MKX: variants seen among roughly 807,000 people sequenced by gnomAD.
MKX encodes the protein mohawk homeobox.
Under a neutral mutation model 36.0 loss-of-function variants are expected in MKX, and 13 were observed. The observed-to-expected ratio is 0.36, with a 90% CI of 0.24 to 0.57. MKX has a LOEUF of 0.57. Among genes scored for constraint, MKX ranks in the 20% least tolerant of loss-of-function variants. The probability of loss-of-function intolerance (pLI) is 0.79; values close to 1 mark genes in which losing one functional copy is unlikely to be tolerated. For synonymous variants in MKX, 176 were observed against 178.3 expected, an observed-to-expected ratio of 0.99 and a Z score of 0.10; for missense variants, 458 against 456.4, an observed-to-expected ratio of 1.00 and a Z score of -0.03.
intron 5 of MKX, among the ~76,000 whole-genome samples, chr10:27,684,842 A>G (rs946880414): frequency 1.3e-5 from 2 of 152,242 alleles, no homozygotes; most frequent in Non-Finnish European, 2.9e-5. Flanking sequence ...TCCACCTCAA[A>G]TCATCAGACA....
rs1564338842 is a variant in MKX at position 27,673,425 on chromosome 10, A to G, written c.*1804T>C. 6.6e-6 allele frequency: 1 copy of G among 152,596 alleles called. No homozygotes were observed. Among genetic ancestry groups the G allele is most frequent in the African/African-American group, 2.4e-5 (1 of 41,456 alleles). The allele number at this position is 152,596 out of a possible 1,614,324, so 9.5% of individuals were successfully genotyped here. ...AATAACTTATAATAGTATGAAAAAG[A>G]GTGAAGTATTTGTCTTTAGTTTTCA... On this transcript the variant is annotated 3_prime_UTR_variant, in exon 7 of 7. Coordinates refer to ENST00000419761, the MANE Select transcript of MKX (RefSeq NM_173576.3).
intron 5 of MKX, among the ~76,000 whole-genome samples, chr10:27,683,728 C>T (rs915368133): frequency 3.9e-5 from 6 of 152,178 alleles, no homozygotes; most frequent in African/African-American, 1.4e-4. Flanking sequence ...TCTGGGGATA[C>T]CAGATCAGTT....
chr10:27,722,703 T>G (rs1270137068), intron 5 of MKX, among the ~76,000 whole-genome samples: 1 of 152,286 alleles, frequency 6.6e-6, no homozygotes, highest in South Asian at 2.1e-4. Flanking sequence ...CCCTACAAAG[T>G]CATTTTCCAA....
intron 5 of MKX, among the ~76,000 whole-genome samples, chr10:27,700,083 C>T (rs942638495): frequency 2.0e-5 from 3 of 152,114 alleles, no homozygotes; most frequent in Non-Finnish European, 2.9e-5. Context: ...TTACTATGTA[C>T]CCTCAACTTA....
At chr10:27,717,745 C>A (rs536165879) in intron 5 of MKX, among the ~76,000 whole-genome samples, 2 of 152,186 alleles carry the variant, frequency 1.3e-5, no homozygotes, top group Non-Finnish European at 2.9e-5. Context: ...TGCCCAGTGG[C>A]GAGATCAACT....
In MKX at chr10:27,734,520, T is replaced by G. The variant is rs1834704993; in HGVS notation, c.774A>C (p.Glu258Asp). Residue 258 changes from glutamate to aspartate, a missense_variant, in exon 5 of 7, where the codon GAA becomes GAC. Transcript: ENST00000419761. ...RNHSGSFSSN[E>D]FEEELVSPSS... ...ATGGAGACACTAATTCTTCCTCAAA[T>G]TCATTGGAGCTAAAAGATCCCGAGT... The G allele has an allele frequency of 6.2e-7, 1 of 1,614,100 alleles. No individual in the cohort carries two copies. Among genetic ancestry groups the G allele is most frequent in the Non-Finnish European group, 8.5e-7 (1 of 1,180,042 alleles).
chr10:27,684,474 A>G lies in MKX; in HGVS notation c.839-8920T>C, dbSNP rs974117365. ...TAAGGGGCAATCAGGGATAACTAAT[A>G]TTAACATTTGAATGTATGGCCTTCC... is the stretch of plus-strand genomic sequence containing the variant. On this transcript the variant is annotated intron_variant, in intron 5 of 6. Coordinates refer to ENST00000419761, the MANE Select transcript of MKX (RefSeq NM_173576.3). Among the ~76,000 whole-genome samples, 3 of 152,332 alleles carry G rather than the reference A, an allele frequency of 2.0e-5. No individual in the cohort carries two copies. The South Asian group carries it at 6.2e-4, about 32-fold the overall frequency.
intron 5 of MKX, among the ~76,000 whole-genome samples, chr10:27,685,481 C>T (rs1564344803): frequency 7.2e-6 from 1 of 138,716 alleles, no homozygotes; most frequent in South Asian, 2.3e-4. Context: ...CGGAGTCCCG[C>T]TCTGTTGCCC....
At chr10:27,681,916 C>T (rs1054661505) in intron 5 of MKX, among the ~76,000 whole-genome samples, 21 of 145,232 alleles carry the variant, frequency 1.4e-4, no homozygotes, top group Non-Finnish European at 2.7e-4. Context: ...AGCAAGACTA[C>T]GTCTCAAGAA....
At chr10:27,745,226 C>T (rs767377584) in intron 1 of MKX, among the ~76,000 whole-genome samples, 1 of 152,174 alleles carries the variant, frequency 6.6e-6, no homozygotes, top group Non-Finnish European at 1.5e-5. Context: ...CCGGCAGCCC[C>T]AAGCCCACGC....
At chr10:27,709,288 T>C (rs926946750) in intron 5 of MKX, among the ~76,000 whole-genome samples, 2 of 152,174 alleles carry the variant, frequency 1.3e-5, no homozygotes, top group African/African-American at 4.8e-5. Context: ...ATTTACATTG[T>C]ATTAGGTACT....
At chr10:27,718,127 C>T (rs1236907143) in intron 5 of MKX, among the ~76,000 whole-genome samples, 1 of 152,110 alleles carries the variant, frequency 6.6e-6, no homozygotes, top group Non-Finnish European at 1.5e-5. Flanking sequence ...GTGAAATACT[C>T]AGTCATCTCA....
rs1471564141 is a variant in MKX at position 27,708,256 on chromosome 10, C to T, written c.838+26200G>A. Among the ~76,000 whole-genome samples the T allele has an allele frequency of 2.6e-5, 4 of 152,198 alleles. No individual in the cohort carries two copies. The East Asian group carries it at 7.7e-4, about 29-fold the overall frequency. The stretch of plus-strand genomic sequence containing the variant: ...GTGCATCCTGGCAAGTATCTCACCC[C>T]TTGTAAAAAGTACTTTACTTCTCAC... On this transcript the variant is annotated intron_variant, in intron 5 of 6. Transcript: ENST00000419761.
At position 27,742,214 on chromosome 10, in the gene MKX, T is replaced by G. The variant is rs1293991748; in HGVS notation, c.189-710A>C. 6.6e-6 allele frequency among the ~76,000 whole-genome samples: 1 copy of G among 151,936 alleles called. No individual in the cohort carries two copies. Among genetic ancestry groups the G allele is most frequent in the Non-Finnish European group, 1.5e-5 (1 of 67,946 alleles). On this transcript the variant is annotated intron_variant, in intron 2 of 6. Transcript: ENST00000419761. The surrounding 1 kb of genome is among the most constrained non-coding windows in gnomAD (Gnocchi z 4.2). Reference sequence around the variant, plus strand: ...TAAAAAGACCTCAGGAAAAGCACATTCAAAGGGGGAGGAGGCAGAGGCAGC... The same window carrying G: ...TAAAAAGACCTCAGGAAAAGCACATGCAAAGGGGGAGGAGGCAGAGGCAGC...
In MKX at chr10:27,734,564, T is replaced by C; in HGVS notation, c.730A>G (p.Lys244Glu). The C allele has an allele frequency of 6.2e-7, 1 of 1,614,220 alleles. No individual in the cohort carries two copies. Among genetic ancestry groups the C allele is most frequent in the Non-Finnish European group, 8.5e-7 (1 of 1,180,032 alleles). Residue 244 changes from lysine to glutamate, a missense_variant, in exon 5 of 7, where the codon AAA becomes GAA. Transcript: ENST00000419761. ...CCCGAGTGGTTTCTTTGCCTTGTTT[T>C]TCCCATCATGGTAGTGTTCGTGGCC... is the stretch of plus-strand genomic sequence containing the variant. Reference protein sequence around the residue: ...VMATNTTMMGKTRQRNHSGSF... With the variant: ...VMATNTTMMGETRQRNHSGSF...
intron 5 of MKX, among the ~76,000 whole-genome samples, chr10:27,705,735 A>G (rs951428101): frequency 4.6e-5 from 7 of 152,290 alleles, no homozygotes; most frequent in African/African-American, 1.7e-4. Flanking sequence ...TGTGGCTATC[A>G]CTATTGTTTT....
At chr10:27,692,532 T>C (rs1161354004) in intron 5 of MKX, among the ~76,000 whole-genome samples, 1 of 152,228 alleles carries the variant, frequency 6.6e-6, no homozygotes, top group Admixed American at 6.5e-5. Flanking sequence ...TGTGGCCCAG[T>C]GCAAAATTGT....
chr10:27,717,076 T>G, intron 5 of MKX, among the ~76,000 whole-genome samples: 1 of 151,714 alleles, frequency 6.6e-6, no homozygotes, highest in Admixed American at 6.6e-5. Flanking sequence ...AGGAAGGGAG[T>G]TGGGCAGCCT....
intron 5 of MKX, among the ~76,000 whole-genome samples, chr10:27,707,022 C>T (rs1416296900): frequency 6.6e-6 from 1 of 152,222 alleles, no homozygotes; most frequent in Non-Finnish European, 1.5e-5. Flanking sequence ...CCCCAACTCA[C>T]AGAAGAAAGG....
Sources: allele counts gnomAD v4.1 joint callset (sites outside exome capture counted in the v4.1 genomes callset), GRCh38; gene constraint gnomAD v4.1.1; non-coding constraint Gnocchi (gnomAD v3.1); transcripts MANE v1.5; gene names NCBI Gene and HGNC (gene_info 2026-07-23, HGNC 2026-07-21).